COL21A1: variants seen among roughly 807,000 people sequenced by gnomAD.
COL21A1 encodes collagen alpha-1(XXI) chain.
COL21A1 carries 149 observed loss-of-function variants against 137.9 expected under a neutral mutation model. The ratio of observed to expected loss-of-function variants is 1.08; its 90% CI spans 0.95 to 1.24. COL21A1 has a LOEUF of 1.24. Among genes scored for constraint, COL21A1 ranks in the 50% most tolerant of loss-of-function variants. The pLI is 0.00. For synonymous variants in COL21A1, 456 were observed against 391.5 expected (o/e 1.16, Z -1.95); for missense variants, 1,167 against 1,158.4 (o/e 1.01, Z -0.11).
At chr6:56,174,456 A>T (rs1245957073) in intron 3 of COL21A1, among the ~76,000 whole-genome samples, 1 of 152,066 alleles carries the variant, frequency 6.6e-6, no homozygotes, top group Non-Finnish European at 1.5e-5. Context: ...AAGACTCAAA[A>T]CAGGAAGTGA....
chr6:56,098,606 A>AATATATATAAATATATAAAT (rs1770025046), intron 17 of COL21A1, among the ~76,000 whole-genome samples: 3 of 3,058 alleles, frequency 9.8e-4, no homozygotes, highest in African/African-American at 2.9e-3. Context: ...TATATATATA[A>AATATATATAAATATATAAAT]ATATATATAA....
chr6:56,233,628 GA>G (rs972795172), intron 1 of COL21A1, among the ~76,000 whole-genome samples: 46 of 151,428 alleles, frequency 3.0e-4, no homozygotes, highest in African/African-American at 1.1e-3. Context: ...AAACTAAAAA[GA>G]GACATATGGA....
chr6:56,248,896 T>G (rs1376189480), upstream of COL21A1, among the ~76,000 whole-genome samples: 1 of 152,206 alleles, frequency 6.6e-6, no homozygotes, highest in African/African-American at 2.4e-5. Context: ...AAAAATAAGT[T>G]AGACTCCATC....
chr6:56,333,548 G>A (rs1262411196), intron 1 of COL21A1, among the ~76,000 whole-genome samples: 1 of 152,002 alleles, frequency 6.6e-6, no homozygotes, highest in African/African-American at 2.4e-5. Flanking sequence ...GTACATTGGG[G>A]TTGTTCTAGT....
intron 1 of COL21A1, chr6:56,276,761 T>G: frequency 3.2e-6 from 4 of 1,234,754 alleles, no homozygotes; most frequent in East Asian, 2.3e-5. Flanking sequence ...AAATCATCTC[T>G]ACTTTATTTG....
chr6:56,270,719 G>T lies in COL21A1; in HGVS notation c.-38-88063C>A, dbSNP rs551727838. ...AGGAGGTGACTGAAACATAGGGGTGGTTTCTCCAATGCTGTTCTCATGATA... is the reference window on the plus strand; with the variant it reads ...AGGAGGTGACTGAAACATAGGGGTGTTTTCTCCAATGCTGTTCTCATGATA... On this transcript the variant is annotated intron_variant, in intron 1 of 28. Transcript: ENST00000370819. Among the ~76,000 whole-genome samples, 5 of 152,244 alleles carry T rather than the reference G, an allele frequency of 3.3e-5. No homozygotes were observed. The East Asian group carries it at 9.6e-4, about 29-fold the overall frequency.
intron 1 of COL21A1, among the ~76,000 whole-genome samples, chr6:56,234,063 A>G (rs1231684364): frequency 6.6e-6 from 1 of 151,874 alleles, no homozygotes; most frequent in Non-Finnish European, 1.5e-5. Flanking sequence ...AACAGAAAAA[A>G]TCATTATAAT....
intron 1 of COL21A1, among the ~76,000 whole-genome samples, chr6:56,387,525 G>A (rs2094020556): frequency 6.6e-6 from 1 of 152,158 alleles, no homozygotes. Flanking sequence ...ATTGAATAGT[G>A]TAGGAAAGAC....
Position 56,229,683 on chromosome 6 carries a change from G to A in COL21A1, c.-39+17704C>T, listed in dbSNP as rs145045305. ...CTGAGGAGTATGGTCATTTTCCAAG[G>A]TAAGGGTAAAGAGCTCTGGAGGTTC... On this transcript the variant is annotated intron_variant, in intron 1 of 29. Transcript: ENST00000244728. Among the ~76,000 whole-genome samples, 5 of 152,010 alleles carry A rather than the reference G, an allele frequency of 3.3e-5. No individual in the cohort carries two copies. In the East Asian group the frequency reaches 9.7e-4, roughly 30 times the overall value.
chr6:56,321,403 A>G (rs1764864184), intron 1 of COL21A1, among the ~76,000 whole-genome samples: 1 of 152,198 alleles, frequency 6.6e-6, no homozygotes. Flanking sequence ...AGATTTTTGC[A>G]TTGGCATTTG....
intron 1 of COL21A1, among the ~76,000 whole-genome samples, chr6:56,358,653 C>T (rs960985761): frequency 6.6e-6 from 1 of 152,074 alleles, no homozygotes; most frequent in African/African-American, 2.4e-5. Flanking sequence ...TTAAATCTTG[C>T]TGGAATTTAA....
intron 7 of COL21A1, chr6:56,166,694 T>G: frequency 1.5e-6 from 1 of 646,452 alleles, no homozygotes; most frequent in South Asian, 1.7e-5. Context: ...CCTTGTGGTC[T>G]TTCATTCATA....
intron 1 of COL21A1, among the ~76,000 whole-genome samples, chr6:56,357,039 A>G (rs1308124583): frequency 6.6e-6 from 1 of 152,180 alleles, no homozygotes; most frequent in Non-Finnish European, 1.5e-5. Flanking sequence ...TAAATAGGAT[A>G]CATACCTAAT....
At chr6:56,110,688 C>T (rs1771348712) in intron 16 of COL21A1, among the ~76,000 whole-genome samples, 1 of 151,782 alleles carries the variant, frequency 6.6e-6, no homozygotes, top group Non-Finnish European at 1.5e-5. Flanking sequence ...TTTCCATATG[C>T]TAGCAACAAA....
intron 1 of COL21A1, among the ~76,000 whole-genome samples, chr6:56,293,750 G>A (rs1764106279): frequency 6.6e-6 from 1 of 152,066 alleles, no homozygotes; most frequent in African/African-American, 2.4e-5. Context: ...AATTTATGAT[G>A]AAGACACATG....
In COL21A1 at chr6:56,125,596, T is replaced by C; in HGVS notation, c.1621A>G (p.Lys541Glu). The C allele has an allele frequency of 3.7e-6, 6 of 1,600,102 alleles. No homozygotes were observed. Among genetic ancestry groups the C allele is most frequent in the Non-Finnish European group, 5.1e-6 (6 of 1,170,768 alleles). The change falls in exon 14 of 30, where the codon AAA becomes GAA. Residue 541 changes from lysine to glutamate, a missense_variant. By Grantham distance (56) the Lys-to-Glu change is moderately conservative. Coordinates refer to ENST00000244728, the MANE Select transcript of COL21A1 (RefSeq NM_030820.4). ...SKGEMGAKGD[K>E]GSPGFYGKKG... ...TTGCCATAAAATCCAGGTGATCCTT[T>C]GTCTCCTTTGGCACCCATTTCACCC...
chr6:56,257,300 A>C (rs1763114070), intron 1 of COL21A1, among the ~76,000 whole-genome samples: 4 of 152,190 alleles, frequency 2.6e-5, no homozygotes, highest in Admixed American at 2.6e-4. Flanking sequence ...TAGCTCTCAT[A>C]TGGTTCTGGT....
intron 1 of COL21A1, among the ~76,000 whole-genome samples, chr6:56,318,941 C>G (rs1377417040): frequency 2.6e-5 from 4 of 151,900 alleles, no homozygotes; most frequent in Admixed American, 6.6e-5. Context: ...CACACACACA[C>G]ACACACTCTT....
At chr6:56,316,674 G>A (rs935791688) in intron 1 of COL21A1, among the ~76,000 whole-genome samples, 2 of 151,120 alleles carry the variant, frequency 1.3e-5, no homozygotes, top group East Asian at 1.9e-4. Context: ...TAGAGATGAG[G>A]TTTTGTCATG....
Sources: gnomAD v4.1 joint callset for allele counts (sites outside exome capture counted in the v4.1 genomes callset) on GRCh38, gnomAD v4.1.1 for gene constraint, MANE v1.5 for transcripts, NCBI Gene and HGNC (gene_info 2026-07-23, HGNC 2026-07-21) for gene names.